NUP85: variants seen among roughly 807,000 people sequenced by gnomAD.
NUP85 encodes the protein nuclear pore complex protein Nup85.
In NUP85, 23 loss-of-function variants were observed where a neutral mutation model predicts 92.8. That is an observed-to-expected ratio of 0.25 (90% CI 0.18 to 0.35). The LOEUF is 0.35. Among genes scored for constraint, NUP85 ranks in the 10% least tolerant of loss-of-function variants. NUP85 has a pLI of 1.00. For synonymous variants in NUP85, 314 were observed against 306.9 expected (o/e 1.02, Z -0.24); for missense variants, 759 against 822.8 (o/e 0.92, Z 0.95).
chr17:75,232,198 A>G, intron 14 of NUP85: 1 of 567,890 alleles, frequency 1.8e-6, no homozygotes, highest in Non-Finnish European at 3.1e-6. Context: ...TCTACACGCC[A>G]TCTGGAAAGG....
chr17:75,232,940 G>A lies in NUP85; in HGVS notation c.1486G>A (p.Ala496Thr), dbSNP rs757607656. 8 of 1,614,142 alleles carry A rather than the reference G, an allele frequency of 5.0e-6. No individual in the cohort carries two copies. In the South Asian group the frequency reaches 6.6e-5, roughly 13 times the overall value. The part of the protein sequence containing the change: ...ALSWSIRAKD[A>T]AFATLVSDRF... ...CTCTTGGAGCATCCGTGCTAAGGATGCCGCCTTTGCCACGCTCGTGTCAGA... is the reference window on the plus strand; with the variant it reads ...CTCTTGGAGCATCCGTGCTAAGGATACCGCCTTTGCCACGCTCGTGTCAGA... Residue 496 changes from alanine to threonine, a missense_variant, in exon 15 of 19, where the codon GCC becomes ACC. By Grantham distance (58) the Ala-to-Thr change is moderately conservative (BLOSUM62 0). Transcript: ENST00000245544.
chr17:75,224,729 G>T (rs149028451), intron 7 of NUP85, among the ~76,000 whole-genome samples: 10,104 of 151,934 alleles, frequency 0.067, 450 homozygotes, highest in Middle Eastern at 0.1. Context: ...CTACTCGGGA[G>T]GTTGAGACAG....
Position 75,215,808 on chromosome 17 carries a change from A to G in NUP85, c.460A>G (p.Ile154Val). 1 of 1,613,922 alleles carries G rather than the reference A, an allele frequency of 6.2e-7. No homozygotes were observed. The highest frequency in any genetic ancestry group is 2.2e-5 in the East Asian group (1 of 44,884). ...LIWNLCEILF[I>V]EVAPAGPLLL... ...CTGGAACCTGTGTGAGATTCTTTTT[A>G]TTGAAGTGGCCCCAGGTAGGCATGG... Residue 154 changes from isoleucine to valine, a missense_variant, in exon 6 of 19, where the codon ATT becomes GTT. By Grantham distance (29) the Ile-to-Val change is conservative (BLOSUM62 3). Coordinates refer to ENST00000245544, the MANE Select transcript of NUP85 (RefSeq NM_024844.5).
chr17:75,232,079 G>A (rs922586058), intron 14 of NUP85, 100 bp downstream of exon 14: 100 of 1,284,186 alleles, frequency 7.8e-5, no homozygotes, highest in African/African-American at 6.0e-4. Context: ...TCCTCCTCAC[G>A]AGCCACACTG....
chr17:75,224,627 T>A (rs1187916978), intron 7 of NUP85, among the ~76,000 whole-genome samples: 1 of 151,688 alleles, frequency 6.6e-6, no homozygotes, highest in Non-Finnish European at 1.5e-5. Flanking sequence ...AGGTCAGGAG[T>A]TCGAGACCAG....
chr17:75,210,338 A>T (rs1227306343), intron 3 of NUP85, among the ~76,000 whole-genome samples: 1 of 152,226 alleles, frequency 6.6e-6, no homozygotes, highest in Non-Finnish European at 1.5e-5. Flanking sequence ...TCTCTAAAAA[A>T]TTATGGTTCA....
In NUP85 at chr17:75,231,949, A is replaced by T; in HGVS notation, c.1366A>T (p.Ile456Phe). 6.2e-7 allele frequency: 1 copy of T among 1,614,156 alleles called. No individual in the cohort carries two copies. Among genetic ancestry groups the T allele is most frequent in the Non-Finnish European group, 8.5e-7 (1 of 1,180,018 alleles). ...GCAGAAAGCCCTGAAGGTGCTGCGG[A>T]TCTGTGAGCAGCGGCAGATGACTGA... Reference protein sequence around the residue: ...TEQKALKVLRICEQRQMTEQV... With the variant: ...TEQKALKVLRFCEQRQMTEQV... The change falls in exon 14 of 19, where the codon ATC (isoleucine) becomes TTC (phenylalanine). Residue 456 changes from isoleucine (I) to phenylalanine (F), a missense_variant. Transcript: ENST00000245544. The surrounding 1 kb of genome is among the most constrained non-coding windows in gnomAD (Gnocchi z 4.6).
intron 2 of NUP85, 122 bp from the exon 3 acceptor site, chr17:75,209,701 C>T: frequency 1.4e-6 from 1 of 738,172 alleles, no homozygotes; most frequent in East Asian, 3.2e-5. Context: ...CTTGGCCTCC[C>T]AAAGTGCTGG....
chr17:75,208,479 G>T, intron 1 of NUP85, 48 bp from the exon 2 acceptor site: 19 of 883,154 alleles, frequency 2.2e-5, no homozygotes, highest in Middle Eastern at 2.7e-4. Flanking sequence ...AACAACTTCA[G>T]TAAGAAGAAC....
chr17:75,233,749 C>CGG (rs1471760850), intron 16 of NUP85, among the ~76,000 whole-genome samples: 26 of 152,036 alleles, frequency 1.7e-4, no homozygotes, highest in Non-Finnish European at 3.5e-4. Flanking sequence ...CAGGCGCACG[C>CGG]CACCACACCC....
chr17:75,235,420 A>G (rs1178550589), intron 18 of NUP85, 158 bp from the exon 19 acceptor site: 1 of 620,066 alleles, frequency 1.6e-6, no homozygotes, highest in East Asian at 2.8e-5. Context: ...CATCATTTCC[A>G]GTATGGCCCT....
chr17:75,222,381 A>C (rs1406032318), intron 7 of NUP85, among the ~76,000 whole-genome samples: 1 of 152,082 alleles, frequency 6.6e-6, no homozygotes, highest in African/African-American at 2.4e-5. Flanking sequence ...TCAAGATCTA[A>C]GTGGAGATGT....
chr17:75,226,770 G>A (rs1478785), intron 11 of NUP85: 315,823 of 445,868 alleles, frequency 0.71, 121,401 homozygotes, highest in East Asian at 0.87. Flanking sequence ...ATAACATCGC[G>A]GGAAACTACT....
chr17:75,209,837 G>A lies in NUP85; in HGVS notation c.142G>A (p.Val48Met), dbSNP rs760931583. Residue 48 changes from valine to methionine, a missense_variant, in exon 3 of 19, where the codon GTG becomes ATG. Coordinates refer to ENST00000245544, the MANE Select transcript of NUP85 (RefSeq NM_024844.5). ...SFNKKEKSEMVPSCPFIYIIR... is the reference protein window; with the variant it reads ...SFNKKEKSEMMPSCPFIYIIR... ...TTTGGTTTCAGAAAAATCAGAGATG[G>A]TGCCAAGTTGCCCCTTTATCTATAT... is the stretch of plus-strand genomic sequence containing the variant. 3 of 1,576,754 alleles carry A rather than the reference G, an allele frequency of 1.9e-6. No individual in the cohort carries two copies. In the African/African-American group the frequency reaches 4.2e-5, roughly 22 times the overall value.
rs1303394422 is a variant in NUP85 at position 75,215,798 on chromosome 17, G to A, written c.450G>A (p.Glu150=). 6.2e-7 allele frequency: 1 copy of A among 1,613,906 alleles called. No homozygotes were observed. Among genetic ancestry groups the A allele is most frequent in the Admixed American group, 1.7e-5 (1 of 59,994 alleles). Reference sequence around the variant, plus strand: ...TGGAGCTCATCTGGAACCTGTGTGAGATTCTTTTTATTGAAGTGGCCCCAG... The same window carrying A: ...TGGAGCTCATCTGGAACCTGTGTGAAATTCTTTTTATTGAAGTGGCCCCAG... ...SAMELIWNLC[E]ILFIEVAPAG... Residue 150 remains glutamate (E), a synonymous_variant, in exon 6 of 19, where the codon GAG becomes GAA. Transcript: ENST00000245544.
At chr17:75,233,385 TTCTTTCTCTTTCTCTTTC>T (rs10567128) in intron 16 of NUP85, among the ~76,000 whole-genome samples, 1 of 132,710 alleles carries the variant, frequency 7.5e-6, no homozygotes, top group Non-Finnish European at 1.5e-5. Context: ...CTTTCTCTCT[TTCTTTCTCTTTCTCTTTC>T]TCTTTCTTTC....
chr17:75,234,884 CGTT>C, intron 17 of NUP85, 96 bp downstream of exon 17: 1 of 1,475,174 alleles, frequency 6.8e-7, no homozygotes, highest in Middle Eastern at 1.7e-4. Flanking sequence ...CCTCCTTTGT[CGTT>C]CTGCCTGTGC....
intron 11 of NUP85, chr17:75,226,888 C>T (rs878867862): frequency 9.7e-6 from 3 of 310,216 alleles, no homozygotes; most frequent in Admixed American, 3.9e-5. Context: ...CGTGAGCTAC[C>T]GAACCACTGG....
chr17:75,211,076 C>T (rs932903626), intron 3 of NUP85, among the ~76,000 whole-genome samples: 2 of 150,600 alleles, frequency 1.3e-5, no homozygotes, highest in African/African-American at 2.4e-5. Context: ...AATCTTGGCC[C>T]ACTGCAGCCT....
Sources: allele counts gnomAD v4.1 joint callset (sites outside exome capture counted in the v4.1 genomes callset), GRCh38; gene constraint gnomAD v4.1.1; non-coding constraint Gnocchi (gnomAD v3.1); transcripts MANE v1.5; gene names NCBI Gene and HGNC (gene_info 2026-07-23, HGNC 2026-07-21).